Variants in BANK1 observed in about 807,000 individuals in gnomAD.
BANK1 encodes B cell scaffold protein with ankyrin repeats 1, also known as B-cell scaffold protein with ankyrin repeats.
BANK1 carries 95 observed loss-of-function variants against 94.5 expected under a neutral mutation model. The observed-to-expected ratio is 1.00, with a 90% confidence interval of 0.85 to 1.19. BANK1 has a LOEUF of 1.19. Among genes scored for constraint, BANK1 ranks in the 50% most tolerant of loss-of-function variants. The pLI is 0.00. For synonymous variants in BANK1, 334 were observed against 308.4 expected, an observed-to-expected ratio of 1.08 and a Z score of -0.87; for missense variants, 987 against 932.2, an observed-to-expected ratio of 1.06 and a Z score of -0.77.
At chr4:101,832,083 AT>A (rs1482515043) in intron 2 of BANK1, among the ~76,000 whole-genome samples, 1 of 152,204 alleles carries the variant, frequency 6.6e-6, no homozygotes, top group African/African-American at 2.4e-5. Flanking sequence ...ATGTTTCTGA[AT>A]TGCTGAATGT....
intron 8 of BANK1, among the ~76,000 whole-genome samples, chr4:102,024,830 T>G (rs921878095): frequency 4.6e-5 from 7 of 152,208 alleles, no homozygotes; most frequent in Non-Finnish European, 5.9e-5. Context: ...CTTTTTTCTT[T>G]ACGTTTTCCA....
At chr4:101,859,619 T>C (rs1247257229) in intron 3 of BANK1, among the ~76,000 whole-genome samples, 1 of 152,188 alleles carries the variant, frequency 6.6e-6, no homozygotes, top group Admixed American at 6.5e-5. Context: ...ATTTTCTCCA[T>C]TGAATTAAAT....
chr4:102,007,110 T>TA (rs1170739147), intron 7 of BANK1, among the ~76,000 whole-genome samples: 3 of 55,764 alleles, frequency 5.4e-5, no homozygotes, highest in Non-Finnish European at 8.0e-5. Context: ...TATATATATA[T>TA]AAATATATAT....
intron 7 of BANK1, among the ~76,000 whole-genome samples, chr4:102,007,383 G>A (rs1726342197): frequency 6.6e-6 from 1 of 151,000 alleles, no homozygotes; most frequent in South Asian, 2.1e-4. Context: ...AATAGCAACT[G>A]GGTATTAGGT....
At chr4:101,978,160 G>T (rs113660560) in intron 7 of BANK1, among the ~76,000 whole-genome samples, 2 of 149,618 alleles carry the variant, frequency 1.3e-5, no homozygotes, top group Non-Finnish European at 3.0e-5. Flanking sequence ...AAAAAAAAAA[G>T]AAAAAAAGAA....
intron 5 of BANK1, among the ~76,000 whole-genome samples, chr4:101,894,531 G>A (rs1721995802): frequency 6.6e-6 from 1 of 151,586 alleles, no homozygotes; most frequent in African/African-American, 2.4e-5. Context: ...TTTATTTTTG[G>A]AAATCCTTTC....
intron 10 of BANK1, among the ~76,000 whole-genome samples, chr4:102,041,091 T>C (rs972331480): frequency 5.3e-5 from 8 of 152,072 alleles, no homozygotes; most frequent in Non-Finnish European, 8.8e-5. Flanking sequence ...CTTTTGTATA[T>C]AAATCTGAGT....
chr4:102,003,175 C>T (rs1726134666), intron 7 of BANK1, among the ~76,000 whole-genome samples: 1 of 152,128 alleles, frequency 6.6e-6, no homozygotes, highest in African/African-American at 2.4e-5. Flanking sequence ...AAGGAATACA[C>T]TAAGTAGAGG....
intron 10 of BANK1, among the ~76,000 whole-genome samples, chr4:102,035,187 AACACT>A (rs1467893523): frequency 6.6e-6 from 1 of 152,142 alleles, no homozygotes; most frequent in African/African-American, 2.4e-5. Flanking sequence ...TTATGTCCAA[AACACT>A]ACCAATTTGA....
At chr4:101,806,823 T>C (rs1211323464) in intron 1 of BANK1, among the ~76,000 whole-genome samples, 1 of 152,202 alleles carries the variant, frequency 6.6e-6, no homozygotes, top group Non-Finnish European at 1.5e-5. Context: ...CATTTATTCT[T>C]GTACTCCTGT....
chr4:101,793,394 T>C (rs1183598304), intron 1 of BANK1, among the ~76,000 whole-genome samples: 1 of 152,230 alleles, frequency 6.6e-6, no homozygotes, highest in Non-Finnish European at 1.5e-5. Flanking sequence ...AATGTTCTGA[T>C]AAGGTCACTT....
chr4:102,073,095 T>G (rs1302805840), intron 15 of BANK1, among the ~76,000 whole-genome samples: 1 of 152,018 alleles, frequency 6.6e-6, no homozygotes, highest in Non-Finnish European at 1.5e-5. Context: ...TTTCCAAAGT[T>G]TAATAACCCT....
At chr4:101,881,643 T>C (rs1019565170) in intron 5 of BANK1, among the ~76,000 whole-genome samples, 11 of 152,102 alleles carry the variant, frequency 7.2e-5, no homozygotes, top group Non-Finnish European at 1.6e-4. Flanking sequence ...CTGTTCAAAA[T>C]AGCCAAAATT....
At chr4:102,025,138 A>T in intron 8 of BANK1, 63 bp from the exon 9 acceptor site, 1 of 1,527,232 alleles carries the variant, frequency 6.5e-7, no homozygotes, top group Admixed American at 1.9e-5. Flanking sequence ...ACAATTTTAT[A>T]AAATATGAAA....
intron 7 of BANK1, among the ~76,000 whole-genome samples, chr4:101,986,791 ATATATATGTGTATATATATG>A (rs1185967597): frequency 3.1e-5 from 3 of 96,986 alleles, no homozygotes; most frequent in Non-Finnish European, 6.6e-5. Context: ...ATATGTGTGT[ATATATATGTGTATATATATG>A]TATATATATG....
At chr4:101,998,129 T>C (rs1194029187) in intron 7 of BANK1, among the ~76,000 whole-genome samples, 1 of 152,188 alleles carries the variant, frequency 6.6e-6, no homozygotes, top group East Asian at 1.9e-4. Context: ...TTTGTTCCCA[T>C]TGGTTTCAAA....
At chr4:101,932,018 A>G (rs1723366441) in intron 7 of BANK1, among the ~76,000 whole-genome samples, 1 of 151,526 alleles carries the variant, frequency 6.6e-6, no homozygotes, top group South Asian at 2.1e-4. Flanking sequence ...TTTGTTTAAG[A>G]TCCTGTGGTA....
At chr4:101,840,780 T>C (rs1727017033) in intron 2 of BANK1, among the ~76,000 whole-genome samples, 3 of 152,170 alleles carry the variant, frequency 2.0e-5, no homozygotes, top group Non-Finnish European at 2.9e-5. Context: ...CACACCTCTG[T>C]ATTTCTGTGT....
intron 7 of BANK1, among the ~76,000 whole-genome samples, chr4:101,952,722 C>T (rs973509082): frequency 2.0e-5 from 3 of 152,070 alleles, no homozygotes; most frequent in Non-Finnish European, 2.9e-5. Context: ...AGGCAGGAGT[C>T]GTATGCTGGG....
Sources: gnomAD v4.1 joint callset for allele counts (sites outside exome capture counted in the v4.1 genomes callset) on GRCh38, gnomAD v4.1.1 for gene constraint, MANE v1.5 for transcripts, NCBI Gene and HGNC (gene_info 2026-07-23, HGNC 2026-07-21) for gene names.